Variants in NIM1K observed in about 807,000 individuals in gnomAD.
The protein encoded by NIM1K is serine/threonine-protein kinase NIM1.
Under a neutral mutation model 37.1 loss-of-function variants are expected in NIM1K, and 35 were observed. The ratio of observed to expected loss-of-function variants is 0.94; its 90% confidence interval spans 0.72 to 1.25. The LOEUF is 1.25. Among genes scored for constraint, NIM1K ranks in the 50% most tolerant of loss-of-function variants. NIM1K has a pLI of 0.00. For synonymous variants in NIM1K, 234 were observed against 206.6 expected (o/e 1.13, Z -1.14); for missense variants, 564 against 548.0 (o/e 1.03, Z -0.29).
intron 1 of NIM1K, among the ~76,000 whole-genome samples, chr5:43,222,785 A>T (rs368049397): frequency 3.9e-5 from 6 of 152,022 alleles, no homozygotes; most frequent in African/African-American, 1.4e-4. Flanking sequence ...CAGGCTAGAG[A>T]CAGCATATAT....
At chr5:43,229,553 C>T (rs539724078) in intron 1 of NIM1K, among the ~76,000 whole-genome samples, 2 of 151,890 alleles carry the variant, frequency 1.3e-5, no homozygotes, top group Non-Finnish European at 2.9e-5. Context: ...TAGATGTAGA[C>T]AAGACAGATA....
chr5:43,245,665 T>A lies in NIM1K; in HGVS notation c.-111T>A. ...TGCTCAGCTCTCAGGAAAACTCTTTTGAACCCTGGGCACCTGCTGTCCTCA... is the reference window on the plus strand; with the variant it reads ...TGCTCAGCTCTCAGGAAAACTCTTTAGAACCCTGGGCACCTGCTGTCCTCA... On this transcript the variant is annotated 5_prime_UTR_variant, in exon 2 of 4. Transcript: ENST00000326035. 9.3e-7 allele frequency: 1 copy of A among 1,074,650 alleles called. No individual in the cohort carries two copies. The highest frequency in any genetic ancestry group is 2.4e-5 in the Admixed American group (1 of 41,546). 66.6% of individuals were successfully genotyped at this position (1,074,650 alleles called of 1,614,324 possible).
intron 2 of NIM1K, among the ~76,000 whole-genome samples, chr5:43,263,751 AGCATTTAAT>A (rs1753074608): frequency 6.6e-6 from 1 of 151,926 alleles, no homozygotes; most frequent in East Asian, 1.9e-4. Context: ...TTCTCTTGTG[AGCATTTAAT>A]GCTATAAATT....
chr5:43,220,069 C>A (rs1752359769), intron 1 of NIM1K, among the ~76,000 whole-genome samples: 1 of 151,878 alleles, frequency 6.6e-6, no homozygotes, highest in Non-Finnish European at 1.5e-5. Flanking sequence ...TTGATAATGC[C>A]CAGTTTATGT....
chr5:43,232,819 A>G lies in NIM1K; in HGVS notation c.-694-12263A>G. On this transcript the variant is annotated intron_variant, in intron 1 of 3. Transcript: ENST00000326035. ...AGCCAGTTTACAAATTTGGTCCAAA[A>G]CGAGGTCAGTGATCTCCTGGCCAAT... 2.9e-6 allele frequency: 3 copies of G among 1,045,874 alleles called. 1 individual carries two copies. The Admixed American group carries it at 5.2e-5, about 18-fold the overall frequency. The allele number at this position is 1,045,874 out of a possible 1,614,324, so 64.8% of individuals were successfully genotyped here.
intron 1 of NIM1K, among the ~76,000 whole-genome samples, chr5:43,213,149 TTTTCTTTCTTTC>T (rs1344212795): frequency 8.3e-6 from 1 of 120,380 alleles, no homozygotes; most frequent in Admixed American, 8.7e-5. Context: ...AAAATCTCCA[TTTTCTTTCTTTC>T]TTTTTTTCTT....
At chr5:43,203,788 G>A (rs1003532553) in intron 1 of NIM1K, among the ~76,000 whole-genome samples, 1 of 152,046 alleles carries the variant, frequency 6.6e-6, no homozygotes, top group Non-Finnish European at 1.5e-5. Context: ...CACTTTGGGA[G>A]GCCGAGGCAG....
chr5:43,252,733 C>G (rs757973644), intron 2 of NIM1K, among the ~76,000 whole-genome samples: 5 of 152,268 alleles, frequency 3.3e-5, no homozygotes, highest in South Asian at 4.2e-4. Context: ...TGACAGTCAT[C>G]ATGAGCCCCC....
chr5:43,257,362 CTTTTTTTTTTTTTT>C (rs36108441), intron 2 of NIM1K, among the ~76,000 whole-genome samples: 3 of 58,788 alleles, frequency 5.1e-5, no homozygotes, highest in Admixed American at 3.9e-4. Context: ...TAAAGTGACT[CTTTTTTTTTTTTTT>C]TTTTTTTTTG....
chr5:43,275,722 C>T (rs940120306), intron 2 of NIM1K, among the ~76,000 whole-genome samples: 1 of 151,988 alleles, frequency 6.6e-6, no homozygotes, highest in African/African-American at 2.4e-5. Flanking sequence ...GATTACAGTA[C>T]ATTGGGGCTC....
chr5:43,192,365 A>C lies in NIM1K; in HGVS notation c.-741A>C, dbSNP rs1385839813. The C allele has an allele frequency of 6.6e-6, 1 of 152,364 alleles. No homozygotes were observed. The highest frequency in any genetic ancestry group is 2.4e-5 in the African/African-American group (1 of 41,468). 9.4% of individuals were successfully genotyped at this position (152,364 alleles called of 1,614,324 possible). ...CCAGAGGCAACAACCCAGCGCGCCT[A>C]GCCTGGCGCCGTGCAGCGAAGCCCA... On this transcript the variant is annotated 5_prime_UTR_variant, in exon 1 of 4. Transcript: ENST00000326035.
chr5:43,244,554 T>C (rs1194915493), intron 1 of NIM1K, among the ~76,000 whole-genome samples: 3 of 152,154 alleles, frequency 2.0e-5, no homozygotes, highest in South Asian at 2.1e-4. Context: ...GCCTAGAAAC[T>C]GACACCTGCT....
chr5:43,238,556 C>G lies in NIM1K; in HGVS notation c.-694-6526C>G, dbSNP rs185492821. Among the ~76,000 whole-genome samples the G allele has an allele frequency of 2.2e-4, 33 of 151,846 alleles. 2 individuals carry two copies. The highest frequency in any genetic ancestry group is 7.0e-4 in the African/African-American group (29 of 41,212). ...ATGGTTTCTTTCTTTCATTTTGGAG[C>G]CTTTCCTCAGATGTCTCATGCCTCT... On this transcript the variant is annotated intron_variant, in intron 1 of 3. Coordinates refer to ENST00000326035, the MANE Select transcript of NIM1K (RefSeq NM_153361.4).
intron 1 of NIM1K, among the ~76,000 whole-genome samples, chr5:43,244,388 G>A (rs1752747546): frequency 6.6e-6 from 1 of 152,242 alleles, no homozygotes; most frequent in Non-Finnish European, 1.5e-5. Flanking sequence ...TTTGGAAAAT[G>A]CACGAAGTGC....
At chr5:43,228,390 C>G (rs1412761188) in intron 1 of NIM1K, among the ~76,000 whole-genome samples, 2 of 152,094 alleles carry the variant, frequency 1.3e-5, no homozygotes, top group Non-Finnish European at 2.9e-5. Flanking sequence ...TCGTGATCCG[C>G]CCACCTCAGC....
At chr5:43,193,900 G>T (rs1751870689) in intron 1 of NIM1K, among the ~76,000 whole-genome samples, 1 of 152,112 alleles carries the variant, frequency 6.6e-6, no homozygotes, top group Non-Finnish European at 1.5e-5. Context: ...TTGTACCCTC[G>T]TTGTCACCAT....
At chr5:43,267,305 G>T (rs1753180169) in intron 2 of NIM1K, among the ~76,000 whole-genome samples, 1 of 152,036 alleles carries the variant, frequency 6.6e-6, no homozygotes, top group Non-Finnish European at 1.5e-5. Flanking sequence ...TGGTTGTAGT[G>T]TCTCTATTTT....
intron 2 of NIM1K, among the ~76,000 whole-genome samples, chr5:43,258,705 A>C (rs959046962): frequency 6.6e-6 from 1 of 151,978 alleles, no homozygotes; most frequent in African/African-American, 2.4e-5. Context: ...GGCCTCCCAG[A>C]GTGTTGGTAT....
At chr5:43,201,053 C>T (rs1172456645) in intron 1 of NIM1K, among the ~76,000 whole-genome samples, 4 of 148,924 alleles carry the variant, frequency 2.7e-5, no homozygotes, top group Admixed American at 6.8e-5. Flanking sequence ...TGAGCCTGGG[C>T]GGCAGAGGTT....
Sources: gnomAD v4.1 joint callset for allele counts (sites outside exome capture counted in the v4.1 genomes callset) on GRCh38, gnomAD v4.1.1 for gene constraint, MANE v1.5 for transcripts, NCBI Gene and HGNC (gene_info 2026-07-23, HGNC 2026-07-21) for gene names.